The following TBC1D5 variants were observed in gnomAD, a reference collection of about 807,000 sequenced individuals.
TBC1D5 encodes the protein TBC1 domain family member 5, also known as TBC1 domain family, member 5.
TBC1D5 carries 75 observed loss-of-function variants against 100.3 expected under a neutral mutation model. The observed-to-expected ratio is 0.75, with a 90% confidence interval of 0.62 to 0.91. The LOEUF (loss-of-function observed/expected upper bound fraction) is 0.91. Among genes scored for constraint, TBC1D5 ranks in the 40% least tolerant of loss-of-function variants. The pLI is 0.00. For synonymous variants in TBC1D5, 323 were observed against 325.6 expected, an observed-to-expected ratio of 0.99 and a Z score of 0.09; for missense variants, 910 against 942.4, an observed-to-expected ratio of 0.97 and a Z score of 0.45.
rs780541622 is a variant in TBC1D5, at chr3:17,501,040, G to A, written c.97+7434C>T. On this transcript the variant is annotated intron_variant, in intron 3 of 21. Coordinates refer to ENST00000253692, the Ensembl canonical transcript of TBC1D5. Reference sequence around the variant, plus strand: ...TTAAAGAGATATTTTTAAAATCCACGTATTTTTTATCCTTGTTACTGCATT... The same window carrying A: ...TTAAAGAGATATTTTTAAAATCCACATATTTTTTATCCTTGTTACTGCATT... Among the ~76,000 whole-genome samples, 9 of 149,466 alleles carry A rather than the reference G, an allele frequency of 6.0e-5. 1 individual carries two copies. Among genetic ancestry groups the A allele is most frequent in the Non-Finnish European group, 8.8e-5 (6 of 67,898 alleles).
chr3:17,196,598 T>C (rs185393322), intron 18 of TBC1D5, among the ~76,000 whole-genome samples: 15 of 152,312 alleles, frequency 9.8e-5, no homozygotes, highest in Admixed American at 7.8e-4. Flanking sequence ...TCCTGCAGAA[T>C]TCTGATGAGG....
In TBC1D5 at chr3:17,246,078, A is replaced by G. The variant is rs77226904; in HGVS notation, c.1332-7659T>C. On this transcript the variant is annotated intron_variant, in intron 16 of 21. Coordinates refer to ENST00000253692, the Ensembl canonical transcript of TBC1D5. ...TTGAAAAAAAATACAGCTGCAGTAAACATATACTAAGAATTAACTGTTATG... is the reference window on the plus strand; with the variant it reads ...TTGAAAAAAAATACAGCTGCAGTAAGCATATACTAAGAATTAACTGTTATG... Among the ~76,000 whole-genome samples the G allele has an allele frequency of 2.5e-3, 384 of 152,334 alleles. 2 individuals carry two copies. Among genetic ancestry groups the G allele is most frequent in the African/African-American group, 8.4e-3 (351 of 41,570 alleles).
At position 17,404,360 on chromosome 3, in the gene TBC1D5, G is replaced by A. The variant is rs146552344; in HGVS notation, c.441+334C>T. ...GTGAGCCCTTCTTTATTTTCACGAC[G>A]AAGGGAGGCTTTCCTTAGCTACCCA... On this transcript the variant is annotated intron_variant, in intron 7 of 21. Coordinates refer to ENST00000253692, the Ensembl canonical transcript of TBC1D5. Among the ~76,000 whole-genome samples, 1,149 of 152,020 alleles carry A rather than the reference G, an allele frequency of 7.6e-3. 16 individuals are homozygous for A. The highest frequency in any genetic ancestry group is 0.027 in the African/African-American group (1,102 of 41,502).
rs192338503 is a variant in TBC1D5 at position 17,315,495 on chromosome 3, G to A, written c.996-7361C>T. Among the ~76,000 whole-genome samples, 123 of 152,264 alleles carry A rather than the reference G, an allele frequency of 8.1e-4. 2 individuals carry two copies. The East Asian group carries it at 0.012, about 15-fold the overall frequency. On this transcript the variant is annotated intron_variant, in intron 13 of 21. Transcript: ENST00000253692. ...CTGTGTTACCAGTGAACCATTCTAC[G>A]TCTAAGGTTTAACACTATCAACTAT... is the stretch of plus-strand genomic sequence containing the variant.
chr3:17,560,239 G>C (rs1014563668), intron 2 of TBC1D5, among the ~76,000 whole-genome samples: 9 of 152,176 alleles, frequency 5.9e-5, no homozygotes, highest in African/African-American at 2.2e-4. Context: ...AACTCAGCAG[G>C]TCAAACAACT....
At chr3:17,559,293 C>T (rs2096542263) in intron 2 of TBC1D5, among the ~76,000 whole-genome samples, 2 of 150,484 alleles carry the variant, frequency 1.3e-5, no homozygotes, top group Non-Finnish European at 3.0e-5. Flanking sequence ...GGCATGGCCA[C>T]CACACCCAGC....
intron 18 of TBC1D5, among the ~76,000 whole-genome samples, chr3:17,192,338 A>G (rs1339882492): frequency 1.3e-5 from 2 of 152,006 alleles, no homozygotes; most frequent in Non-Finnish European, 2.9e-5. Context: ...GACACTAAAT[A>G]GAGAAACTTC....
intron 13 of TBC1D5, among the ~76,000 whole-genome samples, chr3:17,313,375 CTG>C (rs1198493991): frequency 1.3e-5 from 2 of 152,132 alleles, no homozygotes; most frequent in African/African-American, 4.8e-5. Flanking sequence ...TCCATGAAAA[CTG>C]TTTTTTATTC....
intron 2 of TBC1D5, among the ~76,000 whole-genome samples, chr3:17,536,114 A>T (rs903464179): frequency 1.3e-5 from 2 of 152,210 alleles, no homozygotes; most frequent in Non-Finnish European, 2.9e-5. Context: ...AGTTTCTCAA[A>T]CATATTTTAA....
intron 13 of TBC1D5, among the ~76,000 whole-genome samples, chr3:17,320,430 T>C (rs1395143493): frequency 1.3e-5 from 2 of 152,166 alleles, no homozygotes; most frequent in Non-Finnish European, 2.9e-5. Context: ...AAGCTCAAGT[T>C]TGAGAACCAC....
Position 17,227,748 on chromosome 3 carries a change from A to AG in TBC1D5, c.1588+10414dup, listed in dbSNP as rs1443843902. ...GAATAAAAAAAAACTATTAGGTACT[A>AG]GGCTTAGTACCTGGGTGATGAAATA... On this transcript the variant is annotated intron_variant, in intron 17 of 21. Coordinates refer to ENST00000253692, the Ensembl canonical transcript of TBC1D5. Among the ~76,000 whole-genome samples, 8 of 152,142 alleles carry AG rather than the reference A, an allele frequency of 5.3e-5. No homozygotes were observed. The South Asian group carries it at 1.0e-3, about 20-fold the overall frequency.
At chr3:17,272,570 CA>C (rs1283472486) in intron 15 of TBC1D5, among the ~76,000 whole-genome samples, 3 of 151,918 alleles carry the variant, frequency 2.0e-5, no homozygotes, top group Non-Finnish European at 4.4e-5. Flanking sequence ...AAATTTTTCA[CA>C]AAAAAACTCA....
At chr3:17,307,560 T>G (rs996415253) in intron 14 of TBC1D5, among the ~76,000 whole-genome samples, 1 of 152,190 alleles carries the variant, frequency 6.6e-6, no homozygotes, top group African/African-American at 2.4e-5. Context: ...CCTTTAAATG[T>G]ATTTGTTTTT....
At chr3:17,510,095 G>T (rs1326748099) in intron 2 of TBC1D5, among the ~76,000 whole-genome samples, 1 of 149,944 alleles carries the variant, frequency 6.7e-6, no homozygotes, top group Non-Finnish European at 1.5e-5. Flanking sequence ...ATGAGAAAAA[G>T]AGGAAATAAG....
At chr3:17,482,688 A>C (rs558069749) in intron 3 of TBC1D5, among the ~76,000 whole-genome samples, 11 of 152,330 alleles carry the variant, frequency 7.2e-5, no homozygotes, top group Non-Finnish European at 1.2e-4. Context: ...GTGTGTATTT[A>C]TTTTTGGAGC....
At chr3:17,498,210 T>A (rs1307994406) in intron 3 of TBC1D5, among the ~76,000 whole-genome samples, 2 of 152,100 alleles carry the variant, frequency 1.3e-5, no homozygotes, top group African/African-American at 4.8e-5. Context: ...CATATGAGAT[T>A]CCTTCTTAGG....
intron 1 of TBC1D5, among the ~76,000 whole-genome samples, chr3:17,679,824 T>C (rs1282316246): frequency 6.6e-6 from 1 of 151,590 alleles, no homozygotes; most frequent in African/African-American, 2.4e-5. Flanking sequence ...GTCAAGTAGA[T>C]ATTCAAAAGT....
rs34350746 is a variant in TBC1D5, at chr3:17,274,012, TAA to T, written c.1246-15423_1246-15422del. 7.0e-3 allele frequency among the ~76,000 whole-genome samples: 977 copies of T among 139,530 alleles called. 8 individuals are homozygous for T. Among genetic ancestry groups the T allele is most frequent in the African/African-American group, 0.02 (770 of 38,128 alleles). 91.5% of individuals were successfully genotyped at this position (139,530 alleles called of 152,430 possible). A position where few individuals can be genotyped will look rare whatever the true frequency, so the allele number is the denominator to read the frequency against. ...AGCTCAAAGTTTAACTGTATTTAAT[TAA>T]AAAAAAAAAAAAAAGAAGGAAGAAA... On this transcript the variant is annotated intron_variant, in intron 15 of 21. Transcript: ENST00000253692.
intron 13 of TBC1D5, among the ~76,000 whole-genome samples, chr3:17,356,685 TCTGAC>T: frequency 6.6e-6 from 1 of 152,202 alleles, no homozygotes; most frequent in Admixed American, 6.5e-5. Context: ...GAGCCAAACT[TCTGAC>T]CAACTAGAAC....
Sources: gnomAD v4.1 joint callset for allele counts (sites outside exome capture counted in the v4.1 genomes callset) on GRCh38, gnomAD v4.1.1 for gene constraint, MANE v1.5 for transcripts, NCBI Gene and HGNC (gene_info 2026-07-23, HGNC 2026-07-21) for gene names.